Variants in NQO1 observed in about 807,000 individuals in gnomAD.
The protein encoded by NQO1 is NAD(P)H dehydrogenase [quinone] 1.
Under a neutral mutation model 32.1 loss-of-function variants are expected in NQO1, and 30 were observed. The observed-to-expected ratio is 0.94, with a 90% CI of 0.70 to 1.27. The LOEUF is 1.27. Ranked by LOEUF, NQO1 falls within the 50% of genes most tolerant of loss-of-function variation. NQO1 has a pLI of 0.00. For synonymous variants in NQO1, 109 were observed against 119.7 expected (o/e 0.91, Z 0.59); for missense variants, 276 against 331.3 (o/e 0.83, Z 1.30).
chr16:69,722,971 A>G (rs1355378763), intron 1 of NQO1, among the ~76,000 whole-genome samples: 2 of 152,208 alleles, frequency 1.3e-5, no homozygotes, highest in Non-Finnish European at 2.9e-5. Flanking sequence ...TCTGTCGCCC[A>G]GGCTGGAGTG....
Position 69,726,553 on chromosome 16 carries a change from T to G in NQO1, c.-114A>C. ...GGCTCCGGCTGCAACCTTGTGGGAG[T>G]CGCGTGTGTAGTGCACGGTGCATTC... On this transcript the variant is annotated 5_prime_UTR_variant, in exon 1 of 6. Coordinates refer to ENST00000320623, the MANE Select transcript of NQO1 (RefSeq NM_000903.3). The G allele has an allele frequency of 6.9e-7, 1 of 1,447,758 alleles. No homozygotes were observed. 89.7% of individuals were successfully genotyped at this position (1,447,758 alleles called of 1,614,324 possible). A position where few individuals can be genotyped will look rare whatever the true frequency, so the allele number is the denominator to read the frequency against.
At chr16:69,715,506 G>T (rs2038101287) in intron 3 of NQO1, among the ~76,000 whole-genome samples, 1 of 152,248 alleles carries the variant, frequency 6.6e-6, no homozygotes. Flanking sequence ...AGTGGCTCAA[G>T]CCTGTAATCC....
chr16:69,717,673 C>T (rs1415776116), intron 3 of NQO1, among the ~76,000 whole-genome samples: 4 of 150,248 alleles, frequency 2.7e-5, no homozygotes, highest in African/African-American at 7.4e-5. Context: ...GGTGCAGTGG[C>T]GCAATCTTGG....
Position 69,710,986 on chromosome 16 carries a change from G to T in NQO1, c.815C>A (p.Ala272Asp), listed in dbSNP as rs575447097. Residue 272 changes from alanine (A) to aspartate (D), a missense_variant, in exon 6 of 6, where the codon GCT (alanine) becomes GAT (aspartate). Coordinates refer to ENST00000320623, the MANE Select transcript of NQO1 (RefSeq NM_000903.3). ...KSIPTDNQIK[A>D]RK The stretch of plus-strand genomic sequence containing the variant: ...CCAGGCTAAGGAATCTCATTTTCTA[G>T]CTTTGATCTGGTTGTCAGTTGGGAT... 1.2e-6 allele frequency: 2 copies of T among 1,612,118 alleles called. No homozygotes were observed. Among genetic ancestry groups the T allele is most frequent in the South Asian group, 2.2e-5 (2 of 90,838 alleles).
At position 69,716,110 on chromosome 16, in the gene NQO1, G is replaced by A. The variant is rs537709452; in HGVS notation, c.304-1033C>T. ...TTGAGCCCAGGAGTTGGAGGCTGCA[G>A]GGAGCTGTGATCACCACTGTATTCC... On this transcript the variant is annotated intron_variant, in intron 3 of 5. Transcript: ENST00000320623. Among the ~76,000 whole-genome samples the A allele has an allele frequency of 2.4e-4, 36 of 152,026 alleles. 2 individuals are homozygous for A. In the South Asian group the frequency reaches 7.1e-3, roughly 30 times the overall value.
intron 1 of NQO1, among the ~76,000 whole-genome samples, chr16:69,721,370 G>A (rs180935770): frequency 5.2e-4 from 79 of 152,258 alleles, no homozygotes; most frequent in Non-Finnish European, 9.1e-4. Flanking sequence ...CGCCCAGCAC[G>A]GGGCTCACCT....
chr16:69,723,603 GC>G (rs1398639857), intron 1 of NQO1, among the ~76,000 whole-genome samples: 2 of 151,902 alleles, frequency 1.3e-5, no homozygotes, highest in African/African-American at 4.8e-5. Context: ...TTAGAGACCA[GC>G]CTGGTTAACA....
chr16:69,721,954 G>A (rs1044466833), intron 1 of NQO1, among the ~76,000 whole-genome samples: 1 of 151,922 alleles, frequency 6.6e-6, no homozygotes, highest in Non-Finnish European at 1.5e-5. Flanking sequence ...AGTGAGCCGT[G>A]ATCACACCAC....
At chr16:69,719,546 C>T (rs146030333) in intron 1 of NQO1, among the ~76,000 whole-genome samples, 206 of 152,116 alleles carry the variant, frequency 1.4e-3, no homozygotes, top group African/African-American at 4.8e-3. Flanking sequence ...GAGGCTGAGG[C>T]GGGCAGGTCA....
chr16:69,718,429 A>C lies in NQO1; in HGVS notation c.113T>G (p.Val38Gly). Residue 38 changes from valine (V) to glycine (G), a missense_variant, in exon 2 of 6, where the codon GTG becomes GGG. Coordinates refer to ENST00000320623, the MANE Select transcript of NQO1 (RefSeq NM_000903.3). ...GTTCATGGCATAGAGGTCCGACTCC[A>C]CCACCTCCCATCCTTTCTTCTTCAA... is the stretch of plus-strand genomic sequence containing the variant. The part of the protein sequence containing the change: ...AALKKKGWEV[V>G]ESDLYAMNFN... The C allele has an allele frequency of 6.2e-7, 1 of 1,614,168 alleles. No homozygotes were observed. Among genetic ancestry groups the C allele is most frequent in the Non-Finnish European group, 8.5e-7 (1 of 1,180,032 alleles).
chr16:69,726,434 G>C lies in NQO1; in HGVS notation c.6C>G (p.Val2=). Residue 2 remains valine, a splice_region_variant and synonymous_variant, in exon 1 of 6, where the codon GTC becomes GTG. Coordinates refer to ENST00000320623, the MANE Select transcript of NQO1 (RefSeq NM_000903.3). ...CACCCCGCCCTTTGCAGCACTCACCGACCATGGCTCTGGTGCAGTCCGGGG... is the reference window on the plus strand; with the variant it reads ...CACCCCGCCCTTTGCAGCACTCACCCACCATGGCTCTGGTGCAGTCCGGGG... M[V]GRRALIVLAH... 6.2e-7 allele frequency: 1 copy of C among 1,611,704 alleles called. No individual in the cohort carries two copies. The highest frequency in any genetic ancestry group is 8.5e-7 in the Non-Finnish European group (1 of 1,179,472).
chr16:69,718,152 GCTT>G lies in NQO1; in HGVS notation c.271_273del (p.Lys91del). Reference sequence around the variant, plus strand: ...AATATCACAAGGTCTGCGGCTTCCAGCTTCTTTTGTTCAGCCACAATATCTGGG... The same window carrying G: ...AATATCACAAGGTCTGCGGCTTCCAGCTTTTGTTCAGCCACAATATCTGGG... On this transcript the variant is annotated inframe_deletion, in exon 3 of 6. Transcript: ENST00000320623. 1 of 1,614,008 alleles carries G rather than the reference GCTT, an allele frequency of 6.2e-7. No individual in the cohort carries two copies. Among genetic ancestry groups the G allele is most frequent in the African/African-American group, 1.3e-5 (1 of 75,026 alleles).
chr16:69,724,830 A>G (rs1463369865), intron 1 of NQO1, among the ~76,000 whole-genome samples: 1 of 152,186 alleles, frequency 6.6e-6, no homozygotes, highest in Non-Finnish European at 1.5e-5. Flanking sequence ...ATTAGTTGCA[A>G]ACAAAAAACC....
chr16:69,725,116 A>C (rs1490369269), intron 1 of NQO1, among the ~76,000 whole-genome samples: 1 of 152,180 alleles, frequency 6.6e-6, no homozygotes, highest in African/African-American at 2.4e-5. Flanking sequence ...GTCAGAATCT[A>C]TTCCCTGCTG....
intron 1 of NQO1, among the ~76,000 whole-genome samples, chr16:69,722,683 A>C (rs2038208243): frequency 6.6e-6 from 1 of 152,140 alleles, no homozygotes; most frequent in South Asian, 2.1e-4. Context: ...CTTAAAACTA[A>C]GACTCAGTGG....
chr16:69,717,928 C>CATA (rs2038135317), intron 3 of NQO1, 195 bp downstream of exon 3: 22 of 831,730 alleles, frequency 2.6e-5, no homozygotes, highest in Non-Finnish European at 3.9e-5. Context: ...TGCATTTACA[C>CATA]ATGCAACAGT....
intron 1 of NQO1, among the ~76,000 whole-genome samples, chr16:69,724,491 C>G (rs1354551261): frequency 1.3e-5 from 2 of 151,008 alleles, no homozygotes; most frequent in Non-Finnish European, 2.9e-5. Context: ...CCACTCCCAG[C>G]CAAAATTTTT....
intron 1 of NQO1, among the ~76,000 whole-genome samples, chr16:69,723,649 A>C (rs1012012215): frequency 6.6e-6 from 1 of 150,740 alleles, no homozygotes; most frequent in Non-Finnish European, 1.5e-5. Context: ...AATACAAAAA[A>C]AAATTAACCA....
chr16:69,711,074 CCT>C lies in NQO1; in HGVS notation c.725_726del (p.Glu242GlyfsTer4). 1 of 1,614,180 alleles carries C rather than the reference CCT, an allele frequency of 6.2e-7. No individual in the cohort carries two copies. The highest frequency in any genetic ancestry group is 8.5e-7 in the Non-Finnish European group (1 of 1,180,026). On this transcript the variant is annotated frameshift_variant, in exon 6 of 6. Transcript: ENST00000320623. LOFTEE classifies it high-confidence loss of function. Reference protein sequence around the residue: ...NFQAGFLMKKEVQDEEKNKKF... With the variant: ...NFQAGFLMKKXVQDEEKNKKF... ...TTCTTGTTTTTCTCCTCATCCTGTA[CCT>C]CTTTTTTCATTAAGAATCCTGCCTG...
Sources: gnomAD v4.1 joint callset for allele counts (sites outside exome capture counted in the v4.1 genomes callset) on GRCh38, gnomAD v4.1.1 for gene constraint, MANE v1.5 for transcripts, NCBI Gene and HGNC (gene_info 2026-07-23, HGNC 2026-07-21) for gene names.